The following LINGO1 variants were observed in gnomAD, a reference collection of about 807,000 sequenced individuals.
The protein encoded by LINGO1 is leucine rich repeat and Ig domain containing 1, also known as leucine-rich repeat and immunoglobulin-like domain-containing nogo receptor-interacting protein 1.
LINGO1 carries 11 observed loss-of-function variants against 37.3 expected under a neutral mutation model. The ratio of observed to expected loss-of-function variants is 0.29; its 90% CI spans 0.19 to 0.49. The LOEUF is 0.49. LINGO1 is among the 20% of genes least tolerant of loss of function. The pLI, the probability that LINGO1 is intolerant of heterozygous loss-of-function variation, is 0.99. For missense variants in LINGO1, 585 were observed against 878.2 expected (o/e 0.67, Z 4.22); for synonymous variants, 387 against 403.0 (o/e 0.96, Z 0.48).
intron 2 of LINGO1, among the ~76,000 whole-genome samples, chr15:77,714,774 G>A (rs767467441): frequency 1.6e-4 from 24 of 152,180 alleles, no homozygotes; most frequent in Non-Finnish European, 2.8e-4. Context: ...GCCTGGGCAC[G>A]GGGGAGGGTG....
intron 2 of LINGO1, among the ~76,000 whole-genome samples, chr15:77,725,216 G>A (rs1251826566): frequency 1.3e-5 from 2 of 152,188 alleles, no homozygotes; most frequent in African/African-American, 4.8e-5. Context: ...GGGGGTTGGG[G>A]GTTTCAGTTT....
chr15:77,614,744 T>G lies in LINGO1; in HGVS notation c.1163A>C (p.Asn388Thr), dbSNP rs1309803680. The G allele has an allele frequency of 4.4e-6, 7 of 1,607,134 alleles. No individual in the cohort carries two copies. The highest frequency in any genetic ancestry group is 8.5e-7 in the Non-Finnish European group (1 of 1,176,986). The change falls in exon 2 of 2, where the codon AAC (asparagine) becomes ACC (threonine). Residue 388 changes from asparagine (N) to threonine (T), a missense_variant. By Grantham distance (65) the Asn-to-Thr change is moderately conservative. Around this residue, in one of 4 missense-constraint regions of LINGO1, gnomAD observed 484 missense variants for 735.0 expected, o/e 0.66. Transcript: ENST00000355300. ...GCACGTGGGCTGCTGCCGGTTGAAG[T>G]TGAGCCGCCAGCGGCGCCGGAACAC... ...LWVFRRRWRLNFNRQQPTCAT... is the reference protein window; with the variant it reads ...LWVFRRRWRLTFNRQQPTCAT...
chr15:77,642,221 G>A (rs1255451634), intron 3 of LINGO1, among the ~76,000 whole-genome samples: 1 of 152,182 alleles, frequency 6.6e-6, no homozygotes, highest in East Asian at 1.9e-4. Flanking sequence ...GGACAGCAGT[G>A]GGAGGGGAGA....
At chr15:77,691,475 C>T (rs566602726) in intron 1 of LINGO1, among the ~76,000 whole-genome samples, 1 of 152,018 alleles carries the variant, frequency 6.6e-6, no homozygotes, top group African/African-American at 2.4e-5. Context: ...ACCCATGCTG[C>T]CATCCCTAGG....
At chr15:77,691,434 T>C (rs1371316265) in intron 1 of LINGO1, among the ~76,000 whole-genome samples, 1 of 152,150 alleles carries the variant, frequency 6.6e-6, no homozygotes, top group Admixed American at 6.5e-5. Flanking sequence ...TCCCATCATG[T>C]TCATCGCCAG....
intron 1 of LINGO1, among the ~76,000 whole-genome samples, chr15:77,759,268 C>T (rs1379045166): frequency 6.6e-6 from 1 of 152,218 alleles, no homozygotes; most frequent in Non-Finnish European, 1.5e-5. Context: ...CCCCTGTGGC[C>T]CCTCAGCACC....
chr15:77,702,528 G>C (rs2075797727), intron 2 of LINGO1, among the ~76,000 whole-genome samples: 1 of 152,174 alleles, frequency 6.6e-6, no homozygotes, highest in Non-Finnish European at 1.5e-5. Context: ...TGCATGCTCA[G>C]CACAACATGC....
chr15:77,769,660 C>T (rs915034734), intron 1 of LINGO1, among the ~76,000 whole-genome samples: 3 of 152,138 alleles, frequency 2.0e-5, no homozygotes, highest in African/African-American at 7.2e-5. Context: ...GCACCTCAGC[C>T]CCCACCCACC....
At chr15:77,625,475 C>A (rs181796888) in intron 1 of LINGO1, among the ~76,000 whole-genome samples, 52 of 152,234 alleles carry the variant, frequency 3.4e-4, no homozygotes, top group Middle Eastern at 3.4e-3. Context: ...TGATTTGAAC[C>A]CCAATGGTTT....
chr15:77,748,674 A>G (rs1333396903), intron 1 of LINGO1, among the ~76,000 whole-genome samples: 1 of 151,882 alleles, frequency 6.6e-6, no homozygotes, highest in Non-Finnish European at 1.5e-5. Context: ...TCCCAGCTCA[A>G]TTTCTTTTTT....
intron 3 of LINGO1, among the ~76,000 whole-genome samples, chr15:77,668,722 T>A (rs1282245500): frequency 1.3e-5 from 2 of 149,132 alleles, no homozygotes; most frequent in African/African-American, 5.0e-5. Flanking sequence ...TGGAAACACA[T>A]ACATTGTACG....
chr15:77,752,146 G>A (rs2076378435), intron 1 of LINGO1, among the ~76,000 whole-genome samples: 1 of 152,136 alleles, frequency 6.6e-6, no homozygotes, highest in Non-Finnish European at 1.5e-5. Flanking sequence ...CGCTGCTGGG[G>A]GACAGAAGGC....
upstream of LINGO1, among the ~76,000 whole-genome samples, chr15:77,700,855 G>A (rs1484427301): frequency 6.6e-6 from 1 of 152,178 alleles, no homozygotes; most frequent in Non-Finnish European, 1.5e-5. Context: ...TGTGCGGCCT[G>A]CTACCCGCAG....
intron 3 of LINGO1, chr15:77,642,104 C>CTCAACCTCTGCCT (rs1303440084): frequency 2.1e-4 from 85 of 408,310 alleles, no homozygotes; most frequent in African/African-American, 1.7e-3. Context: ...TGGGGCGCTC[C>CTCAACCTCTGCCT]TCCACCTCTG....
intron 2 of LINGO1, among the ~76,000 whole-genome samples, chr15:77,702,408 T>A (rs2075795847): frequency 6.6e-6 from 1 of 152,116 alleles, no homozygotes; most frequent in Non-Finnish European, 1.5e-5. Flanking sequence ...ATCATGTGCC[T>A]GGGGTCAGGT....
chr15:77,639,573 T>C (rs997572825), intron 3 of LINGO1, among the ~76,000 whole-genome samples: 1 of 151,978 alleles, frequency 6.6e-6, no homozygotes, highest in South Asian at 2.1e-4. Flanking sequence ...ATGGCCTAAG[T>C]GCCCATCATT....
At chr15:77,617,927 T>TCC (rs2073784585) in intron 1 of LINGO1, among the ~76,000 whole-genome samples, 2 of 152,252 alleles carry the variant, frequency 1.3e-5, no homozygotes, top group African/African-American at 4.8e-5. Flanking sequence ...ACCCTGACCC[T>TCC]CCCTTCAGCC....
intron 1 of LINGO1, among the ~76,000 whole-genome samples, chr15:77,803,543 C>T (rs2076936021): frequency 3.3e-5 from 5 of 152,070 alleles, no homozygotes; most frequent in Non-Finnish European, 4.4e-5. Context: ...GATGTTCCCT[C>T]CAAATCTCAT....
At chr15:77,733,122 G>T (rs62007780) in intron 2 of LINGO1, among the ~76,000 whole-genome samples, 51,556 of 151,986 alleles carry the variant, frequency 0.34, 9,914 homozygotes, top group Admixed American at 0.49. Context: ...CCCCCATCTA[G>T]GTCAGGACAA....
Sources: allele counts gnomAD v4.1 joint callset (sites outside exome capture counted in the v4.1 genomes callset), GRCh38; gene constraint gnomAD v4.1.1; regional missense constraint gnomAD v4.1.1; transcripts MANE v1.5; gene names NCBI Gene and HGNC (gene_info 2026-07-23, HGNC 2026-07-21).